The following PPARD variants were observed in gnomAD, a reference collection of about 807,000 sequenced individuals.
PPARD encodes peroxisome proliferator activated receptor delta, also known as peroxisome proliferator-activated receptor delta.
Under a neutral mutation model 39.5 loss-of-function variants are expected in PPARD, and 6 were observed. The ratio of observed to expected loss-of-function variants is 0.15; its 90% CI spans 0.08 to 0.30. The LOEUF (loss-of-function observed/expected upper bound fraction) is 0.30, where lower values mean the gene tolerates loss of function less well. Among genes scored for constraint, PPARD ranks in the 10% least tolerant of loss-of-function variants. The pLI is 1.00. For missense variants in PPARD, 397 were observed against 596.8 expected (o/e 0.67, Z 3.49); for synonymous variants, 210 against 231.3 (o/e 0.91, Z 0.83).
At chr6:35,369,683 G>A (rs1018386353) in intron 2 of PPARD, among the ~76,000 whole-genome samples, 34 of 152,310 alleles carry the variant, frequency 2.2e-4, no homozygotes, top group African/African-American at 7.7e-4. Flanking sequence ...ACTTTTAATA[G>A]CAGAGCGGTA....
intron 2 of PPARD, among the ~76,000 whole-genome samples, chr6:35,373,822 C>T (rs763177029): frequency 2.6e-5 from 4 of 152,086 alleles, no homozygotes; most frequent in Non-Finnish European, 4.4e-5. Flanking sequence ...CATGTGCCAC[C>T]ACACCTGGCT....
At position 35,426,202 on chromosome 6, in the gene PPARD, C is replaced by A; in HGVS notation, c.*123C>A. The A allele has an allele frequency of 7.4e-7, 1 of 1,353,074 alleles. No individual in the cohort carries two copies. Among genetic ancestry groups the A allele is most frequent in the Non-Finnish European group, 9.9e-7 (1 of 1,010,060 alleles). The allele number at this position is 1,353,074 out of a possible 1,614,324, so 83.8% of individuals were successfully genotyped here. On this transcript the variant is annotated 3_prime_UTR_variant, in exon 8 of 8. Transcript: ENST00000360694. Reference sequence around the variant, plus strand: ...CTGGAGCAGCAGAGTCCCACGATCGCCCTCAGACACATGACACCCACGGCC... The same window carrying A: ...CTGGAGCAGCAGAGTCCCACGATCGACCTCAGACACATGACACCCACGGCC...
In PPARD at chr6:35,424,530, G is replaced by A. The variant is rs1489007815; in HGVS notation, c.829G>A (p.Asp277Asn). 1.2e-6 allele frequency: 2 copies of A among 1,614,218 alleles called. No individual in the cohort carries two copies. Among genetic ancestry groups the A allele is most frequent in the Non-Finnish European group, 1.7e-6 (2 of 1,180,046 alleles). ...CAGCTTCAGCAGCCTCTTCCTCAACGACCAGGTTACCCTTCTCAAGTATGG... is the reference window on the plus strand; with the variant it reads ...CAGCTTCAGCAGCCTCTTCCTCAACAACCAGGTTACCCTTCTCAAGTATGG... The part of the protein sequence containing the change: ...IPSFSSLFLN[D>N]QVTLLKYGVH... The change falls in exon 7 of 8, where the codon GAC becomes AAC. Residue 277 changes from aspartate to asparagine, a missense_variant. Physicochemically the swap from Asp to Asn is conservative, Grantham distance 23 (BLOSUM62 1). Coordinates refer to ENST00000360694, the MANE Select transcript of PPARD (RefSeq NM_006238.5). This position sits in a 1 kb window ranked among gnomAD's most constrained non-coding sequence, Gnocchi z 7.1.
At chr6:35,392,112 A>G (rs1017211009) in intron 2 of PPARD, among the ~76,000 whole-genome samples, 1 of 151,936 alleles carries the variant, frequency 6.6e-6, no homozygotes, top group African/African-American at 2.4e-5. Flanking sequence ...AATTTGGGGA[A>G]CCCTGGCACC....
chr6:35,373,988 G>C (rs1189812654), intron 2 of PPARD, among the ~76,000 whole-genome samples: 3 of 152,088 alleles, frequency 2.0e-5, no homozygotes, highest in African/African-American at 7.2e-5. Context: ...GTTTCTTGAG[G>C]TCAAGATTGG....
intron 2 of PPARD, among the ~76,000 whole-genome samples, chr6:35,380,472 GTTTGTTTTTTTTTT>G (rs1763083500): frequency 9.6e-5 from 3 of 31,322 alleles, no homozygotes; most frequent in Non-Finnish European, 1.9e-4. Context: ...TTTTTTTTTT[GTTTGTTTTTTTTTT>G]TTTTTTTTTT....
intron 2 of PPARD, among the ~76,000 whole-genome samples, chr6:35,386,366 C>T (rs977483585): frequency 3.4e-5 from 5 of 145,968 alleles, no homozygotes; most frequent in African/African-American, 1.3e-4. Flanking sequence ...CAGTACACAC[C>T]TGTAGTCCCA....
At chr6:35,397,092 G>GT (rs548210389) in intron 2 of PPARD, among the ~76,000 whole-genome samples, 193 of 152,168 alleles carry the variant, frequency 1.3e-3, no homozygotes, top group Non-Finnish European at 2.2e-3. Context: ...AGCCTGTCCT[G>GT]TGAGTAGGTG....
intron 2 of PPARD, among the ~76,000 whole-genome samples, chr6:35,353,754 G>A (rs1761397433): frequency 6.6e-6 from 1 of 152,088 alleles, no homozygotes; most frequent in Non-Finnish European, 1.5e-5. Flanking sequence ...TTTGAAGGAG[G>A]TCAGATTGGA....
chr6:35,419,507 A>G (rs1368232012), intron 3 of PPARD, among the ~76,000 whole-genome samples: 1 of 152,244 alleles, frequency 6.6e-6, no homozygotes, highest in Admixed American at 6.5e-5. Flanking sequence ...GTGTTGCTTA[A>G]TCAATATGAC....
intron 2 of PPARD, among the ~76,000 whole-genome samples, chr6:35,365,728 T>C (rs1261406014): frequency 2.0e-5 from 3 of 151,714 alleles, no homozygotes; most frequent in Non-Finnish European, 2.9e-5. Flanking sequence ...TGATCTCAAA[T>C]GATTTGCTCA....
In PPARD at chr6:35,427,007, AAGC is replaced by A. The variant is rs1471234770; in HGVS notation, c.*933_*935del. On this transcript the variant is annotated 3_prime_UTR_variant, in exon 8 of 8. Transcript: ENST00000360694. The stretch of plus-strand genomic sequence containing the variant: ...AGGAGGGGGGATTGGTGGTTGGAGG[AAGC>A]AGCACACCCAATTCTGCCCCTAGGA... 6.6e-6 allele frequency: 1 copy of A among 152,324 alleles called. No homozygotes were observed. Among genetic ancestry groups the A allele is most frequent in the Admixed American group, 6.5e-5 (1 of 15,282 alleles). 9.4% of individuals were successfully genotyped at this position (152,324 alleles called of 1,614,324 possible).
At chr6:35,406,145 C>T (rs60838008) in intron 2 of PPARD, among the ~76,000 whole-genome samples, 6,002 of 152,216 alleles carry the variant, frequency 0.039, 233 homozygotes, top group African/African-American at 0.098. Context: ...AGGCTGGTCT[C>T]GAACTCCTAG....
intron 2 of PPARD, among the ~76,000 whole-genome samples, chr6:35,390,729 G>A (rs143942639): frequency 7.8e-4 from 119 of 152,234 alleles, no homozygotes; most frequent in Middle Eastern, 3.4e-3. Flanking sequence ...TAAATGCGTG[G>A]TTTGGTGGTT....
chr6:35,368,491 T>A (rs1344239773), intron 2 of PPARD, among the ~76,000 whole-genome samples: 1 of 152,208 alleles, frequency 6.6e-6, no homozygotes, highest in Non-Finnish European at 1.5e-5. Context: ...TGGGCCTTCC[T>A]CATGCCTATT....
intron 2 of PPARD, among the ~76,000 whole-genome samples, chr6:35,354,121 A>G (rs955906174): frequency 1.3e-5 from 2 of 150,342 alleles, no homozygotes; most frequent in African/African-American, 4.9e-5. Context: ...AGTCCCAGCT[A>G]CTTGGGAGGC....
chr6:35,347,436 G>A (rs774960654), intron 2 of PPARD, among the ~76,000 whole-genome samples: 28 of 152,270 alleles, frequency 1.8e-4, no homozygotes, highest in Non-Finnish European at 3.8e-4. Context: ...GCTGCCTGTT[G>A]TGTCTAGGAT....
Position 35,425,900 on chromosome 6 carries a change from T to A in PPARD, c.1147T>A (p.Phe383Ile). ...IQDTILRALE[F>I]HLQANHPDAQ... ...GGACACCATCCTGCGTGCCCTCGAA[T>A]TCCACCTGCAGGCCAACCACCCTGA... The change falls in exon 8 of 8, where the codon TTC becomes ATC. Residue 383 changes from phenylalanine (F) to isoleucine (I), a missense_variant. Physicochemically the swap from Phe to Ile is conservative, Grantham distance 21. Transcript: ENST00000360694. The surrounding 1 kb of genome is among the most constrained non-coding windows in gnomAD (Gnocchi z 4.5). The A allele has an allele frequency of 6.2e-7, 1 of 1,614,076 alleles. No individual in the cohort carries two copies. Among genetic ancestry groups the A allele is most frequent in the South Asian group, 1.1e-5 (1 of 91,072 alleles).
chr6:35,389,545 C>T (rs1763891274), intron 2 of PPARD, among the ~76,000 whole-genome samples: 2 of 151,866 alleles, frequency 1.3e-5, no homozygotes, highest in Non-Finnish European at 2.9e-5. Context: ...ACTCCTGACC[C>T]CAGGTGATCC....
Sources: gnomAD v4.1 joint callset for allele counts (sites outside exome capture counted in the v4.1 genomes callset) on GRCh38, gnomAD v4.1.1 for gene constraint, Gnocchi (gnomAD v3.1) non-coding constraint, MANE v1.5 for transcripts, NCBI Gene and HGNC (gene_info 2026-07-23, HGNC 2026-07-21) for gene names.